The following ANP32B variants were observed in gnomAD, a reference collection of about 807,000 sequenced individuals.
ANP32B encodes acidic leucine-rich nuclear phosphoprotein 32 family member B.
A neutral mutation model predicts 32.2 loss-of-function variants in ANP32B; 6 were observed. The ratio of observed to expected loss-of-function variants is 0.19; its 90% CI spans 0.10 to 0.37. The LOEUF (loss-of-function observed/expected upper bound fraction) is 0.37, where lower values mean the gene tolerates loss of function less well. Among genes scored for constraint, ANP32B ranks in the 10% least tolerant of loss-of-function variants. The pLI is 1.00. For synonymous variants in ANP32B, 98 were observed against 105.8 expected, an observed-to-expected ratio of 0.93 and a Z score of 0.45; for missense variants, 204 against 289.2, an observed-to-expected ratio of 0.71 and a Z score of 2.14.
At position 98,011,978 on chromosome 9, in the gene ANP32B, T is replaced by C. The variant is rs138718197; in HGVS notation, c.637-443T>C. ...GGTTTGGGAAACAGGCAGACAACAT[T>C]AGTTGTTAACAAAACGCATCCTCTT... On this transcript the variant is annotated intron_variant, in intron 5 of 6. Coordinates refer to ENST00000339399, the MANE Select transcript of ANP32B (RefSeq NM_006401.3). 6.0e-4 allele frequency among the ~76,000 whole-genome samples: 92 copies of C among 152,296 alleles called. 1 individual carries two copies. The highest frequency in any genetic ancestry group is 2.1e-3 in the African/African-American group (88 of 41,572).
At chr9:98,000,888 C>T (rs1827978383) in intron 3 of ANP32B, among the ~76,000 whole-genome samples, 1 of 148,686 alleles carries the variant, frequency 6.7e-6, no homozygotes, top group Admixed American at 6.8e-5. Flanking sequence ...TGCCTCTGCA[C>T]TCCAGCCTGG....
rs536445212 is a variant in ANP32B, at chr9:97,983,345, T to C, written c.-211T>C. ...CCAGCGCTGCGCTCCAGCCCCCTTTTCCCTCCATGGTTTCTCTCCGCTCCC... is the reference window on the plus strand; with the variant it reads ...CCAGCGCTGCGCTCCAGCCCCCTTTCCCCTCCATGGTTTCTCTCCGCTCCC... On this transcript the variant is annotated 5_prime_UTR_variant, in exon 1 of 7. Transcript: ENST00000339399. The C allele has an allele frequency of 3.7e-5, 19 of 511,708 alleles. 1 individual carries two copies. The East Asian group carries it at 7.1e-4, about 19-fold the overall frequency. The allele number at this position is 511,708 out of a possible 1,614,324, so 31.7% of individuals were successfully genotyped here. A position where few individuals can be genotyped will look rare whatever the true frequency, so the allele number is the denominator to read the frequency against.
rs1472876904 is a variant in ANP32B at position 98,011,240 on chromosome 9, A to G, written c.518-31A>G. On this transcript the variant is annotated intron_variant, in intron 4 of 6. Coordinates refer to ENST00000339399, the MANE Select transcript of ANP32B (RefSeq NM_006401.3). ...TTGTCCCCTGTGGAGCGTCGAGGAT[A>G]TTTAATGAATCCCTTTTGGACTATT... 3.9e-6 allele frequency: 6 copies of G among 1,549,534 alleles called. No individual in the cohort carries two copies. The African/African-American group carries it at 8.2e-5, about 21-fold the overall frequency.
intron 1 of ANP32B, among the ~76,000 whole-genome samples, chr9:97,984,120 C>T (rs902624546): frequency 6.7e-6 from 1 of 149,754 alleles, no homozygotes; most frequent in Non-Finnish European, 1.5e-5. Context: ...CCGTGGGCGC[C>T]GGCCCGGCCG....
At chr9:98,012,395 AT>A (rs1223384833) in intron 5 of ANP32B, 25 bp from the exon 6 acceptor site, 4 of 1,604,358 alleles carry the variant, frequency 2.5e-6, no homozygotes, top group Non-Finnish European at 3.4e-6. Context: ...AATTAATTTA[AT>A]GTTATGCTGT....
rs1196817091 is a variant in ANP32B, at chr9:97,998,968, C to T, written c.327+290C>T. ...GACTACAGGCGCCCGCCACTACGCC[C>T]GGCTAATTTTTTGTATTTTTAGTAG... is the stretch of plus-strand genomic sequence containing the variant. On this transcript the variant is annotated intron_variant, in intron 3 of 6. Transcript: ENST00000339399. Among the ~76,000 whole-genome samples, 3 of 72,422 alleles carry T rather than the reference C, an allele frequency of 4.1e-5. No individual in the cohort carries two copies. The East Asian group carries it at 7.3e-4, about 18-fold the overall frequency. The allele number at this position is 72,422 out of a possible 152,430, so 47.5% of individuals were successfully genotyped here.
intron 1 of ANP32B, among the ~76,000 whole-genome samples, chr9:97,990,494 G>A (rs756069339): frequency 6.6e-5 from 10 of 152,168 alleles, no homozygotes; most frequent in Non-Finnish European, 1.3e-4. Context: ...CATCTTCTCA[G>A]TATGCTTCTG....
At chr9:97,994,152 G>A (rs1030863432) in intron 1 of ANP32B, among the ~76,000 whole-genome samples, 3 of 152,132 alleles carry the variant, frequency 2.0e-5, no homozygotes, top group Non-Finnish European at 2.9e-5. Context: ...GTTGGAAAGT[G>A]CGTTGGTGCA....
At chr9:97,994,503 A>G in intron 1 of ANP32B, 128 bp from the exon 2 acceptor site, 4 of 780,368 alleles carry the variant, frequency 5.1e-6, no homozygotes. Flanking sequence ...ACTATGATCT[A>G]GGTCTAAGTA....
chr9:97,986,523 A>G (rs1232474743), intron 1 of ANP32B: 5 of 152,252 alleles, frequency 3.3e-5, no homozygotes, highest in African/African-American at 1.2e-4. Context: ...AAAATGCTGT[A>G]GATTTTGAAG....
rs200621157 is a variant in ANP32B, at chr9:98,015,548, C to T, written c.*117C>T. 6 of 1,416,250 alleles carry T rather than the reference C, an allele frequency of 4.2e-6. No homozygotes were observed. The Admixed American group carries it at 1.1e-4, about 26-fold the overall frequency. 87.7% of individuals were successfully genotyped at this position (1,416,250 alleles called of 1,614,324 possible). On this transcript the variant is annotated 3_prime_UTR_variant, in exon 7 of 7. Coordinates refer to ENST00000339399, the MANE Select transcript of ANP32B (RefSeq NM_006401.3). ...TGTGATACAAACCCCAGGACACCCA[C>T]CCACCCAAAGAGCCAAAGAATAGTT... is the stretch of plus-strand genomic sequence containing the variant.
At position 97,997,845 on chromosome 9, in the gene ANP32B, T is replaced by C. The variant is rs535168615; in HGVS notation, c.205-711T>C. Reference sequence around the variant, plus strand: ...TTCTACTCTAAGATTCTAATATTCCTTGGTGAAGGCTCATTCCCTCATTGG... The same window carrying C: ...TTCTACTCTAAGATTCTAATATTCCCTGGTGAAGGCTCATTCCCTCATTGG... On this transcript the variant is annotated intron_variant, in intron 2 of 6. Coordinates refer to ENST00000339399, the MANE Select transcript of ANP32B (RefSeq NM_006401.3). Among the ~76,000 whole-genome samples the C allele has an allele frequency of 3.3e-5, 5 of 152,342 alleles. No homozygotes were observed. In the South Asian group the frequency reaches 1.0e-3, roughly 32 times the overall value.
intron 6 of ANP32B, among the ~76,000 whole-genome samples, chr9:98,013,335 A>G (rs947074394): frequency 2.0e-5 from 3 of 152,120 alleles, no homozygotes; most frequent in Admixed American, 6.6e-5. Flanking sequence ...CCTGTTCCCC[A>G]TGTTTTAAAT....
chr9:97,991,381 C>T (rs907174503), intron 1 of ANP32B, among the ~76,000 whole-genome samples: 13 of 152,284 alleles, frequency 8.5e-5, no homozygotes, highest in Admixed American at 2.6e-4. Flanking sequence ...TCCCAAAATA[C>T]TGGGATTGTA....
At chr9:98,014,555 T>A (rs1339481283) in intron 6 of ANP32B, among the ~76,000 whole-genome samples, 1 of 152,236 alleles carries the variant, frequency 6.6e-6, no homozygotes, top group Non-Finnish European at 1.5e-5. Context: ...TCCTTTTTAG[T>A]TAATATTAGT....
At position 98,015,808 on chromosome 9, in the gene ANP32B, AT is replaced by A; in HGVS notation, c.*381del. ...AAAGCTTTGTAAATAAAATCTTAAC[AT>A]TTTGGGTCTGTTTTTTCATGCTTTG... On this transcript the variant is annotated 3_prime_UTR_variant, in exon 7 of 7. Coordinates refer to ENST00000339399, the MANE Select transcript of ANP32B (RefSeq NM_006401.3). The A allele has an allele frequency of 2.2e-5, 22 of 984,848 alleles. No homozygotes were observed. Among genetic ancestry groups the A allele is most frequent in the Non-Finnish European group, 2.5e-5 (21 of 828,614 alleles). 61.0% of individuals were successfully genotyped at this position (984,848 alleles called of 1,614,324 possible). A position where few individuals can be genotyped will look rare whatever the true frequency, so the allele number is the denominator to read the frequency against.
chr9:97,985,581 C>A, intron 1 of ANP32B, among the ~76,000 whole-genome samples: 1 of 152,162 alleles, frequency 6.6e-6, no homozygotes, highest in East Asian at 1.9e-4. Context: ...TATGGAGTAG[C>A]TAAAATTAGC....
chr9:98,004,896 T>C lies in ANP32B; in HGVS notation c.328-68T>C, dbSNP rs1828052415. 3 of 1,320,372 alleles carry C rather than the reference T, an allele frequency of 2.3e-6. No individual in the cohort carries two copies. In the South Asian group the frequency reaches 4.2e-5, roughly 19 times the overall value. The allele number at this position is 1,320,372 out of a possible 1,614,324, so 81.8% of individuals were successfully genotyped here. A position where few individuals can be genotyped will look rare whatever the true frequency, so the allele number is the denominator to read the frequency against. Reference sequence around the variant, plus strand: ...ATATAGAGCCTAGAATTTTACCTCTTCAAGAGATGGATTTGTTACTTATAT... The same window carrying C: ...ATATAGAGCCTAGAATTTTACCTCTCCAAGAGATGGATTTGTTACTTATAT... On this transcript the variant is annotated intron_variant, in intron 3 of 6. Coordinates refer to ENST00000339399, the MANE Select transcript of ANP32B (RefSeq NM_006401.3).
chr9:97,985,182 C>CTA (rs1564134278), intron 1 of ANP32B, among the ~76,000 whole-genome samples: 1 of 151,856 alleles, frequency 6.6e-6, no homozygotes, highest in Non-Finnish European at 1.5e-5. Context: ...CCGCTCTGGG[C>CTA]TAAGCGAGCG....
Sources: gnomAD v4.1 joint callset for allele counts (sites outside exome capture counted in the v4.1 genomes callset) on GRCh38, gnomAD v4.1.1 for gene constraint, MANE v1.5 for transcripts, NCBI Gene and HGNC (gene_info 2026-07-23, HGNC 2026-07-21) for gene names.